USP31: variants seen among roughly 807,000 people sequenced by gnomAD.
The protein encoded by USP31 is ubiquitin specific peptidase 31, also known as ubiquitin carboxyl-terminal hydrolase 31.
USP31 carries 44 observed loss-of-function variants against 119.4 expected under a neutral mutation model. The ratio of observed to expected loss-of-function variants is 0.37; its 90% confidence interval spans 0.29 to 0.47. The LOEUF is 0.47. Ranked by LOEUF, USP31 falls within the 20% of genes least tolerant of loss-of-function variation. The pLI is 0.99. For synonymous variants in USP31, 749 were observed against 705.6 expected, an observed-to-expected ratio of 1.06 and a Z score of -0.97; for missense variants, 1,643 against 1,730.2, an observed-to-expected ratio of 0.95 and a Z score of 0.89.
rs144488814 is a variant in USP31 at position 23,068,992 on chromosome 16, C to T, written c.3113G>A (p.Ser1038Asn). 729 of 1,613,982 alleles carry T rather than the reference C, an allele frequency of 4.5e-4. No homozygotes were observed. The highest frequency in any genetic ancestry group is 5.9e-4 in the Non-Finnish European group (701 of 1,180,040). The change falls in exon 16 of 16, where the codon AGC becomes AAC. Residue 1038 changes from serine to asparagine, a missense_variant. Coordinates refer to ENST00000219689, the MANE Select transcript of USP31 (RefSeq NM_020718.4). The stretch of plus-strand genomic sequence containing the variant: ...CAAGGCTGGTCTCCCCTTCCGCAAG[C>T]TTTTCTCTGGCTCAGAAGTGCCTTT... ...SSKGTSEPEK[S>N]LRKGRPALAS... is the part of the protein sequence containing the mutation.
rs995959438 is a variant in USP31 at position 23,069,601 on chromosome 16, C to A, written c.2504G>T (p.Arg835Leu). The A allele has an allele frequency of 1.2e-6, 2 of 1,607,036 alleles. No homozygotes were observed. The highest frequency in any genetic ancestry group is 1.7e-6 in the Non-Finnish European group (2 of 1,174,708). ...ACGCTGGACACTTCTCACAAATGGT[C>A]GAGTTGAAAAGCCTCCTGAACACAG... ...RSEDDGGFSTRPFVRSVQRQS... is the reference protein window; with the variant it reads ...RSEDDGGFSTLPFVRSVQRQS... Residue 835 changes from arginine to leucine, a missense_variant, in exon 16 of 16, where the codon CGA becomes CTA. Physicochemically the swap from Arg to Leu is moderately radical, Grantham distance 102. Transcript: ENST00000219689.
At chr16:23,120,125 A>C (rs1369467447) in intron 1 of USP31, among the ~76,000 whole-genome samples, 2 of 152,158 alleles carry the variant, frequency 1.3e-5, no homozygotes, top group Non-Finnish European at 2.9e-5. Flanking sequence ...ACAATTCAAA[A>C]CTATAGTAAA....
chr16:23,085,749 A>C (rs1216487026), intron 9 of USP31, 87 bp from the exon 10 acceptor site: 2 of 1,177,084 alleles, frequency 1.7e-6, no homozygotes, highest in Middle Eastern at 2.0e-4. Flanking sequence ...CCTACCCAAA[A>C]TCATAATTTC....
chr16:23,132,515 CAG>C (rs1903060932), intron 1 of USP31, among the ~76,000 whole-genome samples: 1 of 151,914 alleles, frequency 6.6e-6, no homozygotes, highest in East Asian at 1.9e-4. Context: ...ACAAAAGTAG[CAG>C]AGTCAAACTA....
intron 15 of USP31, 50 bp from the exon 16 acceptor site, chr16:23,069,666 T>A: frequency 6.5e-7 from 1 of 1,544,480 alleles, no homozygotes; most frequent in Non-Finnish European, 8.7e-7. Flanking sequence ...GAAGACATTC[T>A]AACAACACTG....
Position 23,087,108 on chromosome 16 carries a change from G to A in USP31, c.1606C>T (p.His536Tyr). 1 of 1,612,650 alleles carries A rather than the reference G, an allele frequency of 6.2e-7. No homozygotes were observed. Among genetic ancestry groups the A allele is most frequent in the South Asian group, 1.1e-5 (1 of 90,676 alleles). The change falls in exon 9 of 16, where the codon CAC becomes TAC. Residue 536 changes from histidine to tyrosine, a missense_variant. His to Tyr is a moderately conservative substitution (Grantham distance 83). Transcript: ENST00000219689. The part of the protein sequence containing the change: ...LLPQEEQPLC[H>Y]PIVERALKSC... ...TTTTTTTACCTTTCTACTATTGGGT[G>A]GCACAAGGGCTGCTCCTCCTGGGGC...
chr16:23,112,344 TGA>T (rs773373493), intron 1 of USP31, among the ~76,000 whole-genome samples: 1 of 152,086 alleles, frequency 6.6e-6, no homozygotes, highest in Non-Finnish European at 1.5e-5. Flanking sequence ...TTAGGGAGGC[TGA>T]GACAGGTGGA....
intron 1 of USP31, among the ~76,000 whole-genome samples, chr16:23,116,998 G>A (rs990759832): frequency 6.6e-6 from 1 of 151,950 alleles, no homozygotes; most frequent in Admixed American, 6.5e-5. Flanking sequence ...TATTTTTTTC[G>A]ATTTCTAATT....
At chr16:23,144,674 G>A (rs944899262) in intron 1 of USP31, among the ~76,000 whole-genome samples, 2 of 151,944 alleles carry the variant, frequency 1.3e-5, no homozygotes, top group Non-Finnish European at 2.9e-5. Context: ...TAGAGATGGG[G>A]TTTCACCATG....
At chr16:23,132,561 CAACT>C (rs1255661571) in intron 1 of USP31, among the ~76,000 whole-genome samples, 1 of 152,132 alleles carries the variant, frequency 6.6e-6, no homozygotes, top group Admixed American at 6.5e-5. Flanking sequence ...AGACATAAAA[CAACT>C]AACTCAGGAA....
At chr16:23,147,828 T>C (rs921468052) in intron 1 of USP31, among the ~76,000 whole-genome samples, 12 of 152,116 alleles carry the variant, frequency 7.9e-5, no homozygotes, top group African/African-American at 2.7e-4. Context: ...TCCCAGCTAT[T>C]AAATACTCTG....
intron 1 of USP31, among the ~76,000 whole-genome samples, chr16:23,117,275 G>C (rs141846528): frequency 4.0e-4 from 61 of 152,302 alleles, no homozygotes; most frequent in African/African-American, 1.4e-3. Context: ...GAACCAAACA[G>C]ATTTGCATAG....
chr16:23,076,797 A>G (rs151064684), intron 13 of USP31, among the ~76,000 whole-genome samples: 1 of 152,370 alleles, frequency 6.6e-6, no homozygotes, highest in Non-Finnish European at 1.5e-5. Flanking sequence ...TTCTTTACCA[A>G]AGCTGAGCTG....
intron 1 of USP31, among the ~76,000 whole-genome samples, chr16:23,144,641 G>A (rs181264378): frequency 6.6e-6 from 1 of 151,968 alleles, no homozygotes; most frequent in Admixed American, 6.6e-5. Flanking sequence ...CACCACGCTC[G>A]GCTACTTTTT....
Position 23,082,425 on chromosome 16 carries a change from A to G in USP31, c.1950+13T>C. The G allele has an allele frequency of 6.2e-7, 1 of 1,613,694 alleles. No individual in the cohort carries two copies. The highest frequency in any genetic ancestry group is 2.2e-5 in the East Asian group (1 of 44,870). ...ACAACTTGTTTGTTCCTGAGGATAA[A>G]GGATTTCCATACCTGCCGAAATCTC... On this transcript the variant is annotated intron_variant, in intron 12 of 15. Transcript: ENST00000219689.
chr16:23,088,345 C>T (rs1265092135), intron 7 of USP31, among the ~76,000 whole-genome samples: 1 of 152,186 alleles, frequency 6.6e-6, no homozygotes, highest in Non-Finnish European at 1.5e-5. Context: ...CTCAGCTGCA[C>T]AGACCGAAGA....
intron 14 of USP31, chr16:23,072,577 A>C (rs1463384068): frequency 9.2e-5 from 47 of 511,830 alleles, no homozygotes; most frequent in Non-Finnish European, 1.4e-5. Flanking sequence ...AATTGCAGTA[A>C]TATTTCTTAC....
rs898562349 is a variant in USP31 at position 23,069,081 on chromosome 16, G to A, written c.3024C>T (p.Ala1008=). The part of the protein sequence containing the change: ...VDSSPVKEVK[A]PSHPGSLAKK... ...TTGCGAGTGAGCCTGGGTGGCTGGG[G>A]GCTTTCACCTCTTTGACTGGAGAGC... is the stretch of plus-strand genomic sequence containing the variant. The change falls in exon 16 of 16, where the codon GCC becomes GCT. Residue 1008 remains alanine (A), a synonymous_variant. Coordinates refer to ENST00000219689, the MANE Select transcript of USP31 (RefSeq NM_020718.4). 1 of 1,612,402 alleles carries A rather than the reference G, an allele frequency of 6.2e-7. No individual in the cohort carries two copies. The highest frequency in any genetic ancestry group is 1.3e-5 in the African/African-American group (1 of 75,012).
Position 23,148,906 on chromosome 16 carries a change from T to G in USP31, c.365A>C (p.Glu122Ala). 1.4e-6 allele frequency: 2 copies of G among 1,399,668 alleles called. No individual in the cohort carries two copies. Among genetic ancestry groups the G allele is most frequent in the Non-Finnish European group, 1.9e-6 (2 of 1,069,554 alleles). The allele number at this position is 1,399,668 out of a possible 1,614,324, so 86.7% of individuals were successfully genotyped here. The change falls in exon 1 of 16, where the codon GAG becomes GCG. Residue 122 changes from glutamate to alanine, a missense_variant. Coordinates refer to ENST00000219689, the MANE Select transcript of USP31 (RefSeq NM_020718.4). Reference sequence around the variant, plus strand: ...GAGCCCCGCCACGCCGGGCACCGGCTCGGCGGCGCAAGCGGGCGGCGCGGG... The same window carrying G: ...GAGCCCCGCCACGCCGGGCACCGGCGCGGCGGCGCAAGCGGGCGGCGCGGG... ...ASPAPPACAA[E>A]PVPGVAGLRN... is the part of the protein sequence containing the mutation.
Sources: allele counts gnomAD v4.1 joint callset (sites outside exome capture counted in the v4.1 genomes callset), GRCh38; gene constraint gnomAD v4.1.1; transcripts MANE v1.5; gene names NCBI Gene and HGNC (gene_info 2026-07-23, HGNC 2026-07-21).